Variants in UBE2T observed in about 807,000 individuals in gnomAD.
UBE2T encodes the protein ubiquitin conjugating enzyme E2 T.
In UBE2T, 15 loss-of-function variants were observed where a neutral mutation model predicts 23.3. The ratio of observed to expected loss-of-function variants is 0.64; its 90% confidence interval spans 0.43 to 0.99. The LOEUF (loss-of-function observed/expected upper bound fraction) is 0.99, where lower values mean the gene tolerates loss of function less well. Ranked by LOEUF, UBE2T falls within the 50% of genes least tolerant of loss-of-function variation. The pLI, the probability that UBE2T is intolerant of heterozygous loss-of-function variation, is 0.00. For missense variants in UBE2T, 197 were observed against 234.9 expected (o/e 0.84, Z 1.05); for synonymous variants, 67 against 78.4 (o/e 0.85, Z 0.77).
Position 202,335,162 on chromosome 1 carries a change from T to C in UBE2T, c.110-104A>G. On this transcript the variant is annotated intron_variant, in intron 2 of 6. Transcript: ENST00000646651. This position sits in a 1 kb window ranked among gnomAD's most constrained non-coding sequence, Gnocchi z 4.0. ...ATGGTCCTAATAGAGAAACTAGGCC[T>C]AGGACAATAATTCTCTGCCAGGACT... 1 of 894,462 alleles carries C rather than the reference T, an allele frequency of 1.1e-6. No individual in the cohort carries two copies. Among genetic ancestry groups the C allele is most frequent in the Non-Finnish European group, 1.7e-6 (1 of 585,634 alleles). The allele number at this position is 894,462 out of a possible 1,614,324, so 55.4% of individuals were successfully genotyped here. A position where few individuals can be genotyped will look rare whatever the true frequency, so the allele number is the denominator to read the frequency against.
intron 1 of UBE2T, among the ~76,000 whole-genome samples, chr1:202,336,210 CTTTTT>C (rs60785340): frequency 5.8e-5 from 2 of 34,326 alleles, no homozygotes; most frequent in Admixed American, 4.9e-4. Flanking sequence ...ATGCACCCAG[CTTTTT>C]TTTTTTTTTT....
chr1:202,341,577 C>CAAAAAAAAAAA (rs57598991), intron 1 of UBE2T, among the ~76,000 whole-genome samples: 1 of 20,310 alleles, frequency 4.9e-5, no homozygotes, highest in Non-Finnish European at 7.7e-5. Flanking sequence ...GACTCCGTCT[C>CAAAAAAAAAAA]AAAAAAAAAA....
In UBE2T at chr1:202,335,673, T is replaced by A; in HGVS notation, c.82A>T (p.Lys28Ter). 5 of 1,614,102 alleles carry A rather than the reference T, an allele frequency of 3.1e-6. No individual in the cohort carries two copies. Among genetic ancestry groups the A allele is most frequent in the Non-Finnish European group, 4.2e-6 (5 of 1,180,022 alleles). Residue 28 changes from lysine to a stop codon, truncating the protein, a stop_gained, in exon 2 of 7, where the codon AAA (lysine) becomes TAA (stop). Coordinates refer to ENST00000646651, the MANE Select transcript of UBE2T (RefSeq NM_014176.4). LOFTEE classifies it high-confidence loss of function. This position sits in a 1 kb window ranked among gnomAD's most constrained non-coding sequence, Gnocchi z 4.0. ...GCTCGCAGGTCATCCATTTGGTCTT[T>A]ATCTTGCCAACATGTGATGCCTGGG... ...PPPGITCWQD[K>*]DQMDDLRAQI...
intron 1 of UBE2T, among the ~76,000 whole-genome samples, chr1:202,336,104 G>A (rs1654876534): frequency 6.6e-6 from 1 of 151,780 alleles, no homozygotes; most frequent in African/African-American, 2.4e-5. Context: ...TAGAGACAGG[G>A]TTTCGCCATG....
At chr1:202,334,913 T>G in intron 3 of UBE2T, 76 bp downstream of exon 3, 1 of 1,366,524 alleles carries the variant, frequency 7.3e-7, no homozygotes. Context: ...CTTTATGCTC[T>G]ATCTACTACA....
chr1:202,333,588 T>C, intron 3 of UBE2T, 33 bp from the exon 4 acceptor site: 1 of 1,576,748 alleles, frequency 6.3e-7, no homozygotes, highest in Non-Finnish European at 8.7e-7. Context: ...ATAATTTTCA[T>C]TACATAATTT....
intron 1 of UBE2T, among the ~76,000 whole-genome samples, chr1:202,337,518 T>C (rs1311083484): frequency 6.6e-6 from 1 of 152,176 alleles, no homozygotes; most frequent in African/African-American, 2.4e-5. Context: ...GGGGGTCCAA[T>C]TTAAAGTTTT....
intron 1 of UBE2T, among the ~76,000 whole-genome samples, chr1:202,337,307 G>A (rs2148341544): frequency 6.6e-6 from 1 of 152,192 alleles, no homozygotes; most frequent in Non-Finnish European, 1.5e-5. Flanking sequence ...GTTGTACATG[G>A]TGTCTTTCAA....
Position 202,335,751 on chromosome 1 carries a change from G to C in UBE2T, c.4C>G (p.Gln2Glu), listed in dbSNP as rs774357609. The C allele has an allele frequency of 2.5e-6, 4 of 1,613,804 alleles. No homozygotes were observed. The East Asian group carries it at 8.9e-5, about 36-fold the overall frequency. Residue 2 changes from glutamine to glutamate, a missense_variant, in exon 2 of 7, where the codon CAG (glutamine) becomes GAG (glutamate). Coordinates refer to ENST00000646651, the MANE Select transcript of UBE2T (RefSeq NM_014176.4). This position sits in a 1 kb window ranked among gnomAD's most constrained non-coding sequence, Gnocchi z 4.0. Reference protein sequence around the residue: MQRASRLKRELH... With the variant: MERASRLKRELH... The stretch of plus-strand genomic sequence containing the variant: ...TCTCTCTTCAGACGTGAAGCTCTCT[G>C]CATGATCCCCAAGTAGAAGGAACCA...
chr1:202,340,584 A>G (rs1558103005), intron 1 of UBE2T, among the ~76,000 whole-genome samples: 1 of 152,154 alleles, frequency 6.6e-6, no homozygotes, highest in Non-Finnish European at 1.5e-5. Flanking sequence ...AATATAAAGT[A>G]TATGGGAGGA....
chr1:202,340,610 T>C (rs888450211), intron 1 of UBE2T, among the ~76,000 whole-genome samples: 5 of 152,208 alleles, frequency 3.3e-5, no homozygotes, highest in African/African-American at 9.6e-5. Context: ...ATAGGTTATA[T>C]GCAAATACTA....
rs776682118 is a variant in UBE2T at position 202,335,356 on chromosome 1, A to G, written c.109+290T>C. 1.5e-5 allele frequency: 8 copies of G among 539,436 alleles called. No individual in the cohort carries two copies. The highest frequency in any genetic ancestry group is 2.6e-5 in the Non-Finnish European group (8 of 302,846). 33.4% of individuals were successfully genotyped at this position (539,436 alleles called of 1,614,324 possible). On this transcript the variant is annotated intron_variant, in intron 2 of 6. Coordinates refer to ENST00000646651, the MANE Select transcript of UBE2T (RefSeq NM_014176.4). The surrounding 1 kb of genome is among the most constrained non-coding windows in gnomAD (Gnocchi z 4.0). Reference sequence around the variant, plus strand: ...TTGGACCGCAGTATTCTAATCATGTATGTTTCCCATCTGGCCTCACAGATA... The same window carrying G: ...TTGGACCGCAGTATTCTAATCATGTGTGTTTCCCATCTGGCCTCACAGATA...
chr1:202,337,190 C>T (rs1654904690), intron 1 of UBE2T, among the ~76,000 whole-genome samples: 1 of 152,164 alleles, frequency 6.6e-6, no homozygotes, highest in Non-Finnish European at 1.5e-5. Flanking sequence ...ATCCACCCAC[C>T]TCAGCCTCCC....
At chr1:202,334,256 C>T (rs750387590) in intron 3 of UBE2T, among the ~76,000 whole-genome samples, 9 of 152,104 alleles carry the variant, frequency 5.9e-5, no homozygotes, top group Non-Finnish European at 1.0e-4. Flanking sequence ...ATAAAAAGAA[C>T]GAGATCATGG....
chr1:202,333,434 T>C lies in UBE2T; in HGVS notation c.285+16A>G. On this transcript the variant is annotated intron_variant, in intron 4 of 6. Transcript: ENST00000646651. ...AAACAGAATGCTGTAGAGTCAACCA[T>C]TTACCCACAACTCACTTTTGGTGGC... The C allele has an allele frequency of 6.2e-7, 1 of 1,613,812 alleles. No homozygotes were observed. The highest frequency in any genetic ancestry group is 8.5e-7 in the Non-Finnish European group (1 of 1,179,712).
chr1:202,332,780 C>T (rs950331865), intron 6 of UBE2T, among the ~76,000 whole-genome samples: 2 of 147,316 alleles, frequency 1.4e-5, no homozygotes, highest in African/African-American at 2.5e-5. Context: ...TAGTGGCGGG[C>T]GCCTGTAGTC....
chr1:202,338,440 C>T (rs568202876), intron 1 of UBE2T, among the ~76,000 whole-genome samples: 4 of 152,154 alleles, frequency 2.6e-5, no homozygotes, highest in East Asian at 1.9e-4. Flanking sequence ...AGGCTGGTCT[C>T]GAACCACGGA....
intron 1 of UBE2T, among the ~76,000 whole-genome samples, chr1:202,341,379 C>A (rs1654999466): frequency 6.6e-6 from 1 of 151,024 alleles, no homozygotes; most frequent in Non-Finnish European, 1.5e-5. Context: ...GAGATCGAGA[C>A]CATCCCGGCT....
At chr1:202,333,152 G>C in intron 5 of UBE2T, 59 bp from the exon 6 acceptor site, 1 of 1,598,974 alleles carries the variant, frequency 6.3e-7, no homozygotes, top group Non-Finnish European at 8.6e-7. Context: ...AGTGGTTAGA[G>C]CTGCTGCAGC....
Sources: allele counts gnomAD v4.1 joint callset (sites outside exome capture counted in the v4.1 genomes callset), GRCh38; gene constraint gnomAD v4.1.1; non-coding constraint Gnocchi (gnomAD v3.1); transcripts MANE v1.5; gene names NCBI Gene and HGNC (gene_info 2026-07-23, HGNC 2026-07-21).